SPIDR: variants seen among roughly 807,000 people sequenced by gnomAD.
The protein encoded by SPIDR is scaffold protein involved in DNA repair.
SPIDR carries 93 observed loss-of-function variants against 104.6 expected under a neutral mutation model. The observed-to-expected ratio is 0.89, with a 90% confidence interval of 0.75 to 1.06. The LOEUF (loss-of-function observed/expected upper bound fraction) is 1.06. Among genes scored for constraint, SPIDR ranks in the 50% least tolerant of loss-of-function variants. The pLI is 0.00. For synonymous variants in SPIDR, 431 were observed against 416.9 expected, an observed-to-expected ratio of 1.03 and a Z score of -0.41; for missense variants, 1,154 against 1,111.2, an observed-to-expected ratio of 1.04 and a Z score of -0.55.
In SPIDR at chr8:47,599,049, T is replaced by C. The variant is rs922323104; in HGVS notation, c.1397T>C (p.Leu466Pro). Residue 466 changes from leucine to proline, a missense_variant, in exon 10 of 20, where the codon CTG becomes CCG. Leu to Pro is a moderately conservative substitution (Grantham distance 98). Coordinates refer to ENST00000297423, the MANE Select transcript of SPIDR (RefSeq NM_001080394.4). ...PTSTPLRDSLLDVVESQGAAS... is the reference protein window; with the variant it reads ...PTSTPLRDSLPDVVESQGAAS... ...AGCACTCCCCTGAGGGATTCTCTCCTGGATGTGGTGGAAAGCCAGGGAGCT... is the reference window on the plus strand; with the variant it reads ...AGCACTCCCCTGAGGGATTCTCTCCCGGATGTGGTGGAAAGCCAGGGAGCT... The C allele has an allele frequency of 1.9e-6, 3 of 1,612,978 alleles. No homozygotes were observed. Among genetic ancestry groups the C allele is most frequent in the African/African-American group, 1.3e-5 (1 of 75,038 alleles).
chr8:47,420,567 C>T (rs2065250260), intron 7 of SPIDR, among the ~76,000 whole-genome samples: 2 of 152,162 alleles, frequency 1.3e-5, no homozygotes, highest in African/African-American at 4.8e-5. Context: ...ACTCTTTATC[C>T]AATTTGCCAG....
At chr8:47,350,939 T>C (rs1342796048) in intron 5 of SPIDR, among the ~76,000 whole-genome samples, 1 of 152,180 alleles carries the variant, frequency 6.6e-6, no homozygotes, top group Non-Finnish European at 1.5e-5. Context: ...CTCAACTGCA[T>C]GATGAAATCT....
intron 5 of SPIDR, among the ~76,000 whole-genome samples, chr8:47,346,947 G>C (rs2052230052): frequency 6.6e-6 from 1 of 151,892 alleles, no homozygotes; most frequent in African/African-American, 2.4e-5. Flanking sequence ...TTGTGTCTCT[G>C]TCTCCTTCAG....
chr8:47,503,085 T>C (rs180726163), intron 8 of SPIDR, among the ~76,000 whole-genome samples: 1 of 152,186 alleles, frequency 6.6e-6, no homozygotes, highest in Admixed American at 6.5e-5. Context: ...AATAGGTGTG[T>C]TGTGGTGCTG....
chr8:47,714,734 G>T (rs146388604), intron 16 of SPIDR, among the ~76,000 whole-genome samples: 17 of 152,260 alleles, frequency 1.1e-4, no homozygotes, highest in Non-Finnish European at 2.1e-4. Flanking sequence ...CCGTCCAGGT[G>T]GGGGGAGAGG....
intron 8 of SPIDR, among the ~76,000 whole-genome samples, chr8:47,528,552 G>A (rs1450740031): frequency 6.6e-6 from 1 of 152,074 alleles, no homozygotes; most frequent in African/African-American, 2.4e-5. Context: ...GCTCTAAAGG[G>A]AAGATTGGAC....
intron 8 of SPIDR, among the ~76,000 whole-genome samples, chr8:47,473,478 C>T (rs2075955661): frequency 6.6e-6 from 1 of 152,118 alleles, no homozygotes; most frequent in Non-Finnish European, 1.5e-5. Flanking sequence ...CCTGGAGTAA[C>T]CTTTCCCACC....
intron 10 of SPIDR, among the ~76,000 whole-genome samples, chr8:47,662,855 G>A (rs375452879): frequency 8.5e-5 from 13 of 152,188 alleles, no homozygotes; most frequent in South Asian, 2.1e-4. Flanking sequence ...TGACCCTTCC[G>A]CTATAGGAGG....
intron 10 of SPIDR, among the ~76,000 whole-genome samples, chr8:47,634,787 G>C (rs543091032): frequency 1.3e-5 from 2 of 152,196 alleles, no homozygotes; most frequent in Non-Finnish European, 2.9e-5. Context: ...TCACGCCTGG[G>C]CCAGGCAACC....
chr8:47,724,533 A>AT (rs1310011464), intron 16 of SPIDR, among the ~76,000 whole-genome samples: 6 of 152,202 alleles, frequency 3.9e-5, no homozygotes, highest in African/African-American at 1.4e-4. Flanking sequence ...GATCTCAGTG[A>AT]TGACATGTCC....
intron 8 of SPIDR, among the ~76,000 whole-genome samples, chr8:47,469,109 C>A (rs908305143): frequency 2.0e-5 from 3 of 152,170 alleles, no homozygotes; most frequent in Admixed American, 6.5e-5. Context: ...CATCACTTAT[C>A]ATTAGAGAAA....
chr8:47,610,180 G>A (rs938468661), intron 10 of SPIDR, among the ~76,000 whole-genome samples: 3 of 152,070 alleles, frequency 2.0e-5, no homozygotes, highest in African/African-American at 7.2e-5. Context: ...AAAAGAGACT[G>A]GAGACCTGGA....
chr8:47,331,648 A>C (rs535401559), intron 5 of SPIDR, among the ~76,000 whole-genome samples: 1 of 152,326 alleles, frequency 6.6e-6, no homozygotes, highest in African/African-American at 2.4e-5. Flanking sequence ...CACTACTATC[A>C]ACTTTATAAA....
chr8:47,690,887 T>C (rs971554269), intron 11 of SPIDR, among the ~76,000 whole-genome samples: 1 of 152,184 alleles, frequency 6.6e-6, no homozygotes, highest in Non-Finnish European at 1.5e-5. Context: ...ATTTATCTTA[T>C]ATAATTATAT....
At chr8:47,681,591 A>C (rs1167590282) in intron 11 of SPIDR, among the ~76,000 whole-genome samples, 1 of 152,188 alleles carries the variant, frequency 6.6e-6, no homozygotes, top group Non-Finnish European at 1.5e-5. Context: ...TTTTAAAGGA[A>C]ACATATTTTT....
intron 5 of SPIDR, among the ~76,000 whole-genome samples, chr8:47,396,006 C>T (rs781950030): frequency 1.3e-5 from 2 of 152,158 alleles, no homozygotes; most frequent in Non-Finnish European, 1.5e-5. Context: ...ACTTTCTTTC[C>T]AGTAGCTGTC....
intron 5 of SPIDR, among the ~76,000 whole-genome samples, chr8:47,329,610 G>T (rs185650819): frequency 6.6e-6 from 1 of 152,120 alleles, no homozygotes; most frequent in Non-Finnish European, 1.5e-5. Flanking sequence ...TGCCAGTCAC[G>T]CATAGAAACA....
intron 11 of SPIDR, among the ~76,000 whole-genome samples, chr8:47,699,541 A>G (rs2079845375): frequency 1.3e-5 from 2 of 151,932 alleles, no homozygotes; most frequent in South Asian, 4.2e-4. Flanking sequence ...GTGTCCCTCT[A>G]TATATTTTAC....
intron 5 of SPIDR, among the ~76,000 whole-genome samples, chr8:47,334,637 T>C (rs1265581665): frequency 6.6e-6 from 1 of 152,212 alleles, no homozygotes; most frequent in Non-Finnish European, 1.5e-5. Context: ...TTACTTTTAG[T>C]TTATATGTAT....
Sources: allele counts gnomAD v4.1 joint callset (sites outside exome capture counted in the v4.1 genomes callset), GRCh38; gene constraint gnomAD v4.1.1; transcripts MANE v1.5; gene names NCBI Gene and HGNC (gene_info 2026-07-23, HGNC 2026-07-21).